Variants in RUNX2 observed in about 807,000 individuals in gnomAD.
The protein encoded by RUNX2 is runt-related transcription factor 2.
A neutral mutation model predicts 51.7 loss-of-function variants in RUNX2; 10 were observed. That is an observed-to-expected ratio of 0.19 (90% CI 0.12 to 0.33). RUNX2 has a LOEUF of 0.33. RUNX2 is among the 10% of genes least tolerant of loss of function. RUNX2 has a pLI of 1.00. For synonymous variants in RUNX2, 276 were observed against 273.6 expected (o/e 1.01, Z -0.09); for missense variants, 562 against 691.3 (o/e 0.81, Z 2.10).
Position 45,547,533 on chromosome 6 carries a change from T to C in RUNX2, c.*228T>C, listed in dbSNP as rs1421799168. 1 of 576,418 alleles carries C rather than the reference T, an allele frequency of 1.7e-6. No homozygotes were observed. Among genetic ancestry groups the C allele is most frequent in the Non-Finnish European group, 3.1e-6 (1 of 323,442 alleles). 35.7% of individuals were successfully genotyped at this position (576,418 alleles called of 1,614,324 possible). A position where few individuals can be genotyped will look rare whatever the true frequency, so the allele number is the denominator to read the frequency against. On this transcript the variant is annotated 3_prime_UTR_variant, in exon 9 of 9. Coordinates refer to ENST00000647337, the MANE Select transcript of RUNX2 (RefSeq NM_001024630.4). ...GAGACAATTGCAATCGAGCTTCAGA[T>C]TGTTTACTATTTAAGATGTACTTTT... is the stretch of plus-strand genomic sequence containing the variant.
rs9395097 is a variant in RUNX2, at chr6:45,353,057, T to C, written c.58+24273T>C. Among the ~76,000 whole-genome samples, 371 of 152,178 alleles carry C rather than the reference T, an allele frequency of 2.4e-3. 13 individuals are homozygous for C. In the East Asian group the frequency reaches 0.064, roughly 26 times the overall value. ...AGAAGTTCTTCAGAGTCTCTAATAG[T>C]ACAGTAGTTAACCGGCCCACTCATT... On this transcript the variant is annotated intron_variant, in intron 2 of 8. Transcript: ENST00000647337.
intron 2 of RUNX2, among the ~76,000 whole-genome samples, chr6:45,373,153 T>C (rs1235720517): frequency 1.3e-5 from 2 of 152,008 alleles, no homozygotes; most frequent in Non-Finnish European, 2.9e-5. Flanking sequence ...GGTCTCACTA[T>C]ATTGCCCATC....
At position 45,546,845 on chromosome 6, in the gene RUNX2, C is replaced by T; in HGVS notation, c.1106C>T (p.Pro369Leu). ...KSQAGASELG[P>L]FSDPRQFPSI... is the part of the protein sequence containing the mutation. ...TTTTTAGGTGCTTCAGAACTGGGCC[C>T]TTTTTCAGACCCCAGGCAGTTCCCA... is the stretch of plus-strand genomic sequence containing the variant. The change falls in exon 9 of 9, where the codon CCT (proline) becomes CTT (leucine). Residue 369 changes from proline to leucine, a missense_variant. Around this residue, in one of 5 missense-constraint regions of RUNX2, gnomAD observed 304 missense variants for 353.2 expected, o/e 0.86. Transcript: ENST00000647337. 1.9e-6 allele frequency: 3 copies of T among 1,613,930 alleles called. No homozygotes were observed. Among genetic ancestry groups the T allele is most frequent in the Non-Finnish European group, 2.5e-6 (3 of 1,179,958 alleles).
intron 2 of RUNX2, among the ~76,000 whole-genome samples, chr6:45,398,272 G>A (rs1356609365): frequency 1.3e-5 from 2 of 152,134 alleles, no homozygotes; most frequent in Non-Finnish European, 2.9e-5. Context: ...GACGATCCAT[G>A]CAGAGCTCTT....
At chr6:45,532,539 A>G (rs957561687) in intron 7 of RUNX2, among the ~76,000 whole-genome samples, 1 of 152,082 alleles carries the variant, frequency 6.6e-6, no homozygotes, top group Non-Finnish European at 1.5e-5. Flanking sequence ...CTCTTCTCAT[A>G]GGCTACTGAC....
intron 2 of RUNX2, among the ~76,000 whole-genome samples, chr6:45,403,938 G>A (rs1233749965): frequency 6.6e-6 from 1 of 152,116 alleles, no homozygotes; most frequent in East Asian, 1.9e-4. Flanking sequence ...CCTGATCTGG[G>A]GAAACTCACT....
intron 5 of RUNX2, among the ~76,000 whole-genome samples, chr6:45,489,831 C>A (rs971517163): frequency 6.6e-6 from 1 of 152,152 alleles, no homozygotes; most frequent in East Asian, 1.9e-4. Flanking sequence ...TAGGCTACAG[C>A]CATTTGTTTA....
chr6:45,462,978 G>A (rs1488362918), intron 5 of RUNX2, among the ~76,000 whole-genome samples: 2 of 152,206 alleles, frequency 1.3e-5, no homozygotes, highest in Non-Finnish European at 2.9e-5. Context: ...TGAGGCTGAA[G>A]TTGTCCCCAT....
chr6:45,475,689 C>T (rs912127081), intron 5 of RUNX2, among the ~76,000 whole-genome samples: 1 of 152,098 alleles, frequency 6.6e-6, no homozygotes, highest in South Asian at 2.1e-4. Flanking sequence ...AATATGATAA[C>T]GTTTTGCACA....
At position 45,550,801 on chromosome 6, in the gene RUNX2, GT is replaced by G. The variant is rs1240087413; in HGVS notation, c.*3497del. The G allele has an allele frequency of 6.6e-6, 1 of 152,552 alleles. No individual in the cohort carries two copies. The allele number at this position is 152,552 out of a possible 1,614,324, so 9.4% of individuals were successfully genotyped here. A position where few individuals can be genotyped will look rare whatever the true frequency, so the allele number is the denominator to read the frequency against. On this transcript the variant is annotated 3_prime_UTR_variant, in exon 9 of 9. Transcript: ENST00000647337. ...TATGCTTTACCATTCTTAGGTTTCTGTGGAACAAAAATATTTGTAGCATTTT... is the reference window on the plus strand; with the variant it reads ...TATGCTTTACCATTCTTAGGTTTCTGGGAACAAAAATATTTGTAGCATTTT...
At chr6:45,515,198 A>G (rs916416514) in intron 7 of RUNX2, among the ~76,000 whole-genome samples, 1 of 152,134 alleles carries the variant, frequency 6.6e-6, no homozygotes, top group Non-Finnish European at 1.5e-5. Context: ...AAATATTCTC[A>G]TATGATTTTG....
At chr6:45,531,629 T>G (rs1227975563) in intron 7 of RUNX2, among the ~76,000 whole-genome samples, 1 of 152,086 alleles carries the variant, frequency 6.6e-6, no homozygotes, top group Non-Finnish European at 1.5e-5. Flanking sequence ...GGTGCGCACC[T>G]GTAGTCCCAG....
chr6:45,328,592 T>C (rs1392878452), intron 1 of RUNX2, 69 bp from the exon 2 acceptor site: 2 of 1,590,172 alleles, frequency 1.3e-6, no homozygotes, highest in Non-Finnish European at 1.7e-6. Context: ...AAAAAATAAA[T>C]ATAAAGTCTA....
At chr6:45,360,394 A>T (rs1794050527) in intron 2 of RUNX2, among the ~76,000 whole-genome samples, 1 of 152,232 alleles carries the variant, frequency 6.6e-6, no homozygotes, top group Non-Finnish European at 1.5e-5. Context: ...TTGGAATTAC[A>T]GTATGTTCGT....
intron 5 of RUNX2, among the ~76,000 whole-genome samples, chr6:45,459,638 C>A (rs867594781): frequency 1.3e-5 from 2 of 152,290 alleles, no homozygotes; most frequent in South Asian, 2.1e-4. Context: ...AGGAATATAG[C>A]CTTTAACAAA....
intron 7 of RUNX2, among the ~76,000 whole-genome samples, chr6:45,525,686 A>G (rs950930243): frequency 2.6e-5 from 4 of 152,176 alleles, no homozygotes; most frequent in Non-Finnish European, 4.4e-5. Flanking sequence ...GAGATTTAGT[A>G]ATCATCACAT....
intron 2 of RUNX2, among the ~76,000 whole-genome samples, chr6:45,388,778 A>T (rs1056579106): frequency 2.1e-4 from 32 of 152,334 alleles, no homozygotes; most frequent in African/African-American, 3.4e-4. Flanking sequence ...AGGATTTAAA[A>T]ATCTAAACCA....
chr6:45,458,839 G>A (rs1799394251), intron 5 of RUNX2, among the ~76,000 whole-genome samples: 1 of 152,264 alleles, frequency 6.6e-6, no homozygotes, highest in South Asian at 2.1e-4. Context: ...GTGCTCTTTT[G>A]TTAATGTCTC....
chr6:45,390,188 G>C (rs1048557208), intron 2 of RUNX2, among the ~76,000 whole-genome samples: 1 of 152,100 alleles, frequency 6.6e-6, no homozygotes, highest in Non-Finnish European at 1.5e-5. Flanking sequence ...AATAGTATTT[G>C]GCTTCTCAGT....
Sources: gnomAD v4.1 joint callset for allele counts (sites outside exome capture counted in the v4.1 genomes callset) on GRCh38, gnomAD v4.1.1 for gene constraint, gnomAD v4.1.1 regional missense constraint, MANE v1.5 for transcripts, NCBI Gene and HGNC (gene_info 2026-07-23, HGNC 2026-07-21) for gene names.